The following ZNF846 variants were observed in gnomAD, a reference collection of about 807,000 sequenced individuals.
The protein encoded by ZNF846 is zinc finger protein 420 pseudogene.
Under a neutral mutation model 16.0 loss-of-function variants are expected in ZNF846, and 15 were observed. That is an observed-to-expected ratio of 0.94 (90% confidence interval 0.63 to 1.45). ZNF846 has a LOEUF of 1.45. ZNF846 is among the 40% of genes most tolerant of loss of function. The pLI is 0.00. For synonymous variants in ZNF846, 229 were observed against 212.0 expected (o/e 1.08, Z -0.70); for missense variants, 714 against 622.3 (o/e 1.15, Z -1.57).
At position 9,759,842 on chromosome 19, in the gene ZNF846, A is replaced by T. The variant is rs755603379; in HGVS notation, c.312+18T>A. On this transcript the variant is annotated intron_variant, in intron 5 of 5. Coordinates refer to ENST00000397902, the Ensembl canonical transcript of ZNF846. ...TTCTTGTCCTAGTGTGGAAGATTTC[A>T]TCCCTTGGAAATCTTACCAATTGTA... 2 of 1,581,244 alleles carry T rather than the reference A, an allele frequency of 1.3e-6. No individual in the cohort carries two copies. The highest frequency in any genetic ancestry group is 1.7e-6 in the Non-Finnish European group (2 of 1,153,246).
chr19:9,762,680 T>C (rs970212009), intron 3 of ZNF846, among the ~76,000 whole-genome samples: 8 of 152,176 alleles, frequency 5.3e-5, no homozygotes, highest in South Asian at 4.1e-4. Flanking sequence ...ACCAGGGGTG[T>C]CCAATCTTTT....
chr19:9,754,536 G>A (rs1442450869), downstream of ZNF846, among the ~76,000 whole-genome samples: 1 of 127,394 alleles, frequency 7.8e-6, no homozygotes, highest in Non-Finnish European at 1.6e-5. Flanking sequence ...TTGCACTCCA[G>A]CCTGGGCGAC....
intron 1 of ZNF846, among the ~76,000 whole-genome samples, chr19:9,782,396 C>G (rs1371482792): frequency 1.3e-5 from 2 of 152,140 alleles, no homozygotes; most frequent in Non-Finnish European, 2.9e-5. Context: ...TCCCACGTAG[C>G]TGGAACTTCA....
At chr19:9,751,768 T>C (rs1403678923), downstream of ZNF846, among the ~76,000 whole-genome samples, 3 of 152,190 alleles carry the variant, frequency 2.0e-5, no homozygotes, top group Non-Finnish European at 2.9e-5. Context: ...CTCTTGAGAA[T>C]GTACTTCATA....
chr19:9,757,975 A>C (rs774791441), exon 6 of ZNF846: 1 of 1,613,714 alleles, frequency 6.2e-7, no homozygotes, highest in South Asian at 1.1e-5. Flanking sequence ...CATGCCTTAC[A>C]TAAATACAGC....
intron 1 of ZNF846, among the ~76,000 whole-genome samples, chr19:9,775,185 GTA>G (rs559361921): frequency 1.1e-3 from 152 of 140,946 alleles, no homozygotes; most frequent in African/African-American, 4.2e-3. Flanking sequence ...ATATATATGT[GTA>G]TATATATGTG....
intron 3 of ZNF846, 136 bp downstream of exon 3, chr19:9,763,146 A>G: frequency 3.6e-6 from 1 of 280,418 alleles, no homozygotes; most frequent in Non-Finnish European, 4.8e-6. Flanking sequence ...CTGTGTCTCA[A>G]AAAAAAAAAA....
chr19:9,758,257 T>G, exon 6 of ZNF846: 1 of 1,613,474 alleles, frequency 6.2e-7, no homozygotes, highest in Non-Finnish European at 8.5e-7. Flanking sequence ...CTGTGAGTTC[T>G]GATGTGTAAT....
At chr19:9,757,956 G>A (rs774304159) in exon 6 of ZNF846, 13 of 1,613,620 alleles carry the variant, frequency 8.1e-6, no homozygotes, top group Non-Finnish European at 1.0e-5. Flanking sequence ...ACGAGTAAAA[G>A]CTTTCCCACA....
chr19:9,759,913 A>G lies in ZNF846; in HGVS notation c.259T>C (p.Ser87Pro). The G allele has an allele frequency of 6.2e-7, 1 of 1,613,088 alleles. No homozygotes were observed. The change falls in exon 5 of 6, where the codon TCC becomes CCC. Residue 87 changes from serine to proline, a missense_variant. By Grantham distance (74) the Ser-to-Pro change is moderately conservative (BLOSUM62 -1). Coordinates refer to ENST00000397902, the Ensembl canonical transcript of ZNF846. ...GCAGAAATATCTTGCAGCAGTGGGG[A>G]GCCTTTGGTTTTGAGTTGCAAATCC...
At chr19:9,750,989 A>G (rs778224378), downstream of ZNF846, among the ~76,000 whole-genome samples, 1 of 152,116 alleles carries the variant, frequency 6.6e-6, no homozygotes, top group Non-Finnish European at 1.5e-5. Flanking sequence ...AAAAACTCAA[A>G]AACAGAGCTC....
chr19:9,784,510 A>C (rs1235133042), intron 1 of ZNF846, among the ~76,000 whole-genome samples: 1 of 152,216 alleles, frequency 6.6e-6, no homozygotes, highest in Non-Finnish European at 1.5e-5. Context: ...CGGGTTTTAC[A>C]CCAAGACATT....
At chr19:9,782,704 T>C (rs1218189531) in intron 1 of ZNF846, among the ~76,000 whole-genome samples, 1 of 152,216 alleles carries the variant, frequency 6.6e-6, no homozygotes, top group East Asian at 1.9e-4. Context: ...AACTGAAACT[T>C]TGATATGTGT....
At chr19:9,772,073 G>A (rs1274451576), upstream of ZNF846, among the ~76,000 whole-genome samples, 1 of 151,996 alleles carries the variant, frequency 6.6e-6, no homozygotes, top group Non-Finnish European at 1.5e-5. Context: ...GCCTGTTTCA[G>A]ACATTTTTAA....
Position 9,757,758 on chromosome 19 carries a change from TG to T in ZNF846, c.1318del (p.His440IlefsTer2). 1 of 1,613,606 alleles carries T rather than the reference TG, an allele frequency of 6.2e-7. No individual in the cohort carries two copies. The highest frequency in any genetic ancestry group is 8.5e-7 in the Non-Finnish European group (1 of 1,179,922). ...CTTTTCTCCAGTGTGAGTTCTTAAA[TG>T]GGTACTAAGGCCCGAGGATTGAGTG... On this transcript the variant is annotated frameshift_variant, in exon 6 of 6. Transcript: ENST00000397902. LOFTEE classifies it low-confidence loss of function (END_TRUNC).
At chr19:9,755,942 A>G (rs1432299532), downstream of ZNF846, among the ~76,000 whole-genome samples, 7 of 142,568 alleles carry the variant, frequency 4.9e-5, no homozygotes, top group African/African-American at 1.9e-4. Context: ...CTGGGTTCAC[A>G]CAATTCTCCT....
At chr19:9,754,563 T>TCAAAAAAAAAAAAAAAAAAAAAA (rs776769152), downstream of ZNF846, among the ~76,000 whole-genome samples, 42 of 83,768 alleles carry the variant, frequency 5.0e-4, 5 homozygotes, top group Middle Eastern at 9.9e-3. Flanking sequence ...AGACTCTGTC[T>TCAAAAAAAAAAAAAAAAAAAAAA]TAAAAAAAAA....
intron 1 of ZNF846, among the ~76,000 whole-genome samples, chr19:9,783,542 A>ATATATATATATATAT (rs61553274): frequency 5.9e-5 from 7 of 118,416 alleles, no homozygotes; most frequent in African/African-American, 2.8e-4. Context: ...AAAAAAAAAA[A>ATATATATATATATAT]AAATATATAT....
At chr19:9,777,149 G>GCA (rs113160573) in intron 1 of ZNF846, among the ~76,000 whole-genome samples, 7,330 of 131,486 alleles carry the variant, frequency 0.056, 232 homozygotes, top group African/African-American at 0.11. Flanking sequence ...ACACACACAC[G>GCA]CACACACACA....
Sources: gnomAD v4.1 joint callset for allele counts (sites outside exome capture counted in the v4.1 genomes callset) on GRCh38, gnomAD v4.1.1 for gene constraint, MANE v1.5 for transcripts, NCBI Gene and HGNC (gene_info 2026-07-23, HGNC 2026-07-21) for gene names.